KCNH8: variants seen among roughly 807,000 people sequenced by gnomAD.
The protein encoded by KCNH8 is voltage-gated delayed rectifier potassium channel KCNH8.
In KCNH8, 70 loss-of-function variants were observed where a neutral mutation model predicts 103.6. That is an observed-to-expected ratio of 0.68 (90% CI 0.56 to 0.82). KCNH8 has a LOEUF of 0.82. Among genes scored for constraint, KCNH8 ranks in the 40% least tolerant of loss-of-function variants. KCNH8 has a pLI of 0.00. For synonymous variants in KCNH8, 498 were observed against 489.4 expected (o/e 1.02, Z -0.23); for missense variants, 1,217 against 1,329.9 (o/e 0.92, Z 1.32).
chr3:19,435,887 A>T (rs1412344024), intron 7 of KCNH8, among the ~76,000 whole-genome samples: 12 of 152,332 alleles, frequency 7.9e-5, no homozygotes, highest in Non-Finnish European at 1.6e-4. Context: ...CTGTTGTATA[A>T]AACAGATCAC....
At chr3:19,178,196 T>C (rs2063418923) in intron 1 of KCNH8, among the ~76,000 whole-genome samples, 1 of 152,136 alleles carries the variant, frequency 6.6e-6, no homozygotes, top group African/African-American at 2.4e-5. Flanking sequence ...AAATTACTTA[T>C]TTGTATTATA....
intron 3 of KCNH8, among the ~76,000 whole-genome samples, chr3:19,300,443 G>C (rs1192699379): frequency 3.3e-5 from 5 of 152,096 alleles, no homozygotes; most frequent in Admixed American, 3.3e-4. Flanking sequence ...TTAGAGCTCT[G>C]TCTAGCTGTT....
chr3:19,385,794 G>GA (rs1322078919), intron 5 of KCNH8, among the ~76,000 whole-genome samples: 3 of 151,804 alleles, frequency 2.0e-5, no homozygotes, highest in Non-Finnish European at 4.4e-5. Flanking sequence ...CATAAGCAAT[G>GA]AAAAAAACAG....
chr3:19,296,150 G>A (rs1308247118), intron 3 of KCNH8, among the ~76,000 whole-genome samples: 2 of 152,130 alleles, frequency 1.3e-5, no homozygotes, highest in South Asian at 2.1e-4. Flanking sequence ...AAGTTTCAAA[G>A]GCAAATGTCT....
chr3:19,178,143 A>C (rs549936768), intron 1 of KCNH8, among the ~76,000 whole-genome samples: 1 of 152,254 alleles, frequency 6.6e-6, no homozygotes, highest in South Asian at 2.1e-4. Flanking sequence ...TCTGCACTGG[A>C]TTGTTAATAA....
At chr3:19,340,788 T>C (rs181388678) in intron 3 of KCNH8, among the ~76,000 whole-genome samples, 62 of 152,278 alleles carry the variant, frequency 4.1e-4, no homozygotes, top group African/African-American at 1.5e-3. Context: ...AGGATATGTC[T>C]GACTAAAACC....
intron 11 of KCNH8, among the ~76,000 whole-genome samples, chr3:19,476,381 A>G (rs1312897309): frequency 6.6e-6 from 1 of 152,146 alleles, no homozygotes; most frequent in African/African-American, 2.4e-5. Context: ...GTGATGCGCA[A>G]ACTTCTTGCA....
chr3:19,211,198 A>G (rs999962163), intron 1 of KCNH8, among the ~76,000 whole-genome samples: 9 of 152,238 alleles, frequency 5.9e-5, no homozygotes, highest in African/African-American at 2.2e-4. Context: ...AGGCAGAAGA[A>G]AAACATATAC....
At chr3:19,233,077 A>G (rs1387592557) in intron 1 of KCNH8, among the ~76,000 whole-genome samples, 1 of 28,880 alleles carries the variant, frequency 3.5e-5, no homozygotes, top group African/African-American at 1.5e-4. Flanking sequence ...CCCCCACCCC[A>G]CTACATAAAT....
intron 2 of KCNH8, among the ~76,000 whole-genome samples, chr3:19,274,313 A>G (rs1559453678): frequency 6.6e-6 from 1 of 152,152 alleles, no homozygotes; most frequent in Admixed American, 6.5e-5. Flanking sequence ...GTGTTGTACA[A>G]TGTTAGCACA....
intron 1 of KCNH8, among the ~76,000 whole-genome samples, chr3:19,171,416 T>C (rs964070274): frequency 6.6e-6 from 1 of 152,204 alleles, no homozygotes; most frequent in Non-Finnish European, 1.5e-5. Context: ...TCTCAGTGAC[T>C]AGAGGTATAA....
intron 11 of KCNH8, among the ~76,000 whole-genome samples, chr3:19,460,071 T>C (rs530809277): frequency 1.3e-5 from 2 of 152,218 alleles, no homozygotes; most frequent in East Asian, 1.9e-4. Context: ...TTATTAAAGA[T>C]TGTTCATGTC....
intron 8 of KCNH8, among the ~76,000 whole-genome samples, chr3:19,440,594 A>G (rs375327562): frequency 2.0e-5 from 3 of 152,266 alleles, no homozygotes; most frequent in South Asian, 4.1e-4. Flanking sequence ...GCCTGCCACC[A>G]TGATTCAACT....
chr3:19,286,347 T>C (rs753524059), intron 3 of KCNH8, among the ~76,000 whole-genome samples: 16 of 152,208 alleles, frequency 1.1e-4, no homozygotes, highest in Non-Finnish European at 1.9e-4. Context: ...CTGACTCTTA[T>C]GAGAAGAGAT....
chr3:19,496,862 A>C (rs184477596), intron 11 of KCNH8, among the ~76,000 whole-genome samples: 1 of 152,002 alleles, frequency 6.6e-6, no homozygotes, highest in Non-Finnish European at 1.5e-5. Context: ...TACTGTTTCA[A>C]TTTTGGAACT....
chr3:19,456,990 C>A lies in KCNH8; in HGVS notation c.2040+8C>A. ...GAAGGTCATGAGAGTGATGTAAGTC[C>A]CATTTCTAATTAGTGCTAAGACCTA... On this transcript the variant is annotated splice_region_variant and intron_variant, in intron 11 of 15. Coordinates refer to ENST00000328405, the MANE Select transcript of KCNH8 (RefSeq NM_144633.3). 6.3e-7 allele frequency: 1 copy of A among 1,591,938 alleles called. No homozygotes were observed.
chr3:19,289,855 A>G (rs1383972688), intron 3 of KCNH8, among the ~76,000 whole-genome samples: 1 of 152,126 alleles, frequency 6.6e-6, no homozygotes. Context: ...CATTTTCACG[A>G]TATTGATTCT....
chr3:19,170,873 A>C (rs2063342091), intron 1 of KCNH8, among the ~76,000 whole-genome samples: 1 of 146,986 alleles, frequency 6.8e-6, no homozygotes, highest in South Asian at 2.1e-4. Flanking sequence ...GCAGTGGCGC[A>C]AAATATCGGC....
chr3:19,204,622 G>C (rs1020383748), intron 1 of KCNH8, among the ~76,000 whole-genome samples: 3 of 151,678 alleles, frequency 2.0e-5, no homozygotes, highest in Admixed American at 1.3e-4. Context: ...GGGGAGGGAA[G>C]CATAATGTAT....
Sources: allele counts gnomAD v4.1 joint callset (sites outside exome capture counted in the v4.1 genomes callset), GRCh38; gene constraint gnomAD v4.1.1; transcripts MANE v1.5; gene names NCBI Gene and HGNC (gene_info 2026-07-23, HGNC 2026-07-21).